TG: variants seen among roughly 807,000 people sequenced by gnomAD.
TG encodes thyroglobulin.
TG carries 270 observed loss-of-function variants against 324.7 expected under a neutral mutation model. The observed-to-expected ratio is 0.83, with a 90% CI of 0.75 to 0.92. TG has a LOEUF of 0.92. Ranked by LOEUF, TG falls within the 40% of genes least tolerant of loss-of-function variation. The pLI is 0.00. For missense variants in TG, 3,591 were observed against 3,456.4 expected, an observed-to-expected ratio of 1.04 and a Z score of -0.98; for synonymous variants, 1,401 against 1,327.0, an observed-to-expected ratio of 1.06 and a Z score of -1.21.
At chr8:133,004,267 G>A (rs1477691434) in intron 35 of TG, among the ~76,000 whole-genome samples, 3 of 152,208 alleles carry the variant, frequency 2.0e-5, no homozygotes, top group African/African-American at 4.8e-5. Flanking sequence ...CTGTGGGGCT[G>A]TATAAGGGCT....
At chr8:132,897,928 G>T (rs1300557870) in intron 12 of TG, 142 bp downstream of exon 12, 4 of 1,083,522 alleles carry the variant, frequency 3.7e-6, no homozygotes, top group Non-Finnish European at 5.5e-6. Flanking sequence ...AGCTTCTCGG[G>T]CCTCCAGTTA....
chr8:133,076,650 A>G (rs1844908746), intron 41 of TG: 1 of 151,906 alleles, frequency 6.6e-6, no homozygotes, highest in African/African-American at 2.4e-5. Context: ...TTTAATAGAC[A>G]CTTACCAAGA....
intron 41 of TG, among the ~76,000 whole-genome samples, chr8:133,034,487 C>T (rs548466691): frequency 2.6e-5 from 4 of 152,250 alleles, no homozygotes; most frequent in Non-Finnish European, 4.4e-5. Context: ...TGTTTTGTCA[C>T]GTCTAATGCT....
chr8:132,887,237 C>T lies in TG; in HGVS notation c.1865C>T (p.Thr622Ile), dbSNP rs767336126. The T allele has an allele frequency of 2.5e-6, 4 of 1,606,270 alleles. No homozygotes were observed. The African/African-American group carries it at 5.4e-5, about 22-fold the overall frequency. Residue 622 changes from threonine to isoleucine, a missense_variant, in exon 9 of 48, where the codon ACA becomes ATA. Physicochemically the swap from Thr to Ile is moderately conservative, Grantham distance 89. Transcript: ENST00000220616. ...AGGCTATTTGTCCCATCATGCACGA[C>T]AGAAGGAAGCTATGAGGATGTCCAA... ...PERLFVPSCTTEGSYEDVQCF... is the reference protein window; with the variant it reads ...PERLFVPSCTIEGSYEDVQCF...
intron 41 of TG, among the ~76,000 whole-genome samples, chr8:133,068,402 T>G (rs1448350737): frequency 1.3e-5 from 2 of 152,188 alleles, no homozygotes; most frequent in African/African-American, 4.8e-5. Context: ...GGGATGGAGG[T>G]GTCCTAGTGT....
At chr8:133,123,556 T>C (rs1289103180) in intron 45 of TG, among the ~76,000 whole-genome samples, 1 of 152,194 alleles carries the variant, frequency 6.6e-6, no homozygotes, top group African/African-American at 2.4e-5. Flanking sequence ...CTCTGGTATT[T>C]CCATCTCTTT....
In TG at chr8:132,882,945, G is replaced by C. The variant is rs759789389; in HGVS notation, c.1021G>C (p.Ala341Pro). 8.6e-5 allele frequency: 138 copies of C among 1,614,024 alleles called. 2 individuals are homozygous for C. In the Admixed American group the frequency reaches 2.2e-3, roughly 26 times the overall value. The change falls in exon 8 of 48, where the codon GCC becomes CCC. Residue 341 changes from alanine (A) to proline (P), a missense_variant. Ala to Pro is a conservative substitution (Grantham distance 27, BLOSUM62 -1). Coordinates refer to ENST00000220616, the MANE Select transcript of TG (RefSeq NM_003235.5). Reference protein sequence around the residue: ...QTEGPCWCVDAQGKEMHGTRQ... With the variant: ...QTEGPCWCVDPQGKEMHGTRQ... The stretch of plus-strand genomic sequence containing the variant: ...GGAAGGGCCCTGCTGGTGTGTGGAC[G>C]CCCAGGGGAAGGAAATGCATGGAAC...
rs1834548915 is a variant in TG at position 133,011,974 on chromosome 8, T to A, written c.6336T>A (p.Val2112=). The change falls in exon 36 of 48, where the codon GTT becomes GTA. Residue 2112 remains valine (V), a synonymous_variant. Transcript: ENST00000220616. ...ATCCATCCATTAGGCACTTTGATGTTGCCCATGTCAGCACTGCTGCCACCA... is the reference window on the plus strand; with the variant it reads ...ATCCATCCATTAGGCACTTTGATGTAGCCCATGTCAGCACTGCTGCCACCA... ...VVDPSIRHFD[V]AHVSTAATSN... 2 of 1,614,120 alleles carry A rather than the reference T, an allele frequency of 1.2e-6. No individual in the cohort carries two copies. The highest frequency in any genetic ancestry group is 1.7e-6 in the Non-Finnish European group (2 of 1,180,046).
intron 25 of TG, among the ~76,000 whole-genome samples, chr8:132,938,911 G>T (rs549242306): frequency 1.3e-5 from 2 of 152,200 alleles, no homozygotes; most frequent in African/African-American, 4.8e-5. Context: ...AATTAGCTGG[G>T]TGTGGTGGCG....
Position 132,906,732 on chromosome 8 carries a change from G to A in TG, c.3679G>A (p.Gly1227Arg), listed in dbSNP as rs1818743410. ...ATTCAACGCGTCGGAGGTGGTTGGT[G>A]GAACAATCCTGTGTGAGACAATCTC... ...LPFNASEVVGGTILCETISGP... is the reference protein window; with the variant it reads ...LPFNASEVVGRTILCETISGP... Residue 1227 changes from glycine (G) to arginine (R), a missense_variant, in exon 17 of 48, where the codon GGA becomes AGA. Physicochemically the swap from Gly to Arg is moderately radical, Grantham distance 125 (BLOSUM62 -2). Coordinates refer to ENST00000220616, the MANE Select transcript of TG (RefSeq NM_003235.5). The A allele has an allele frequency of 6.2e-7, 1 of 1,614,116 alleles. No homozygotes were observed. Among genetic ancestry groups the A allele is most frequent in the Non-Finnish European group, 8.5e-7 (1 of 1,180,054 alleles).
chr8:133,128,333 GCGTGCA>G (rs1851682578), intron 45 of TG, among the ~76,000 whole-genome samples: 1 of 54,702 alleles, frequency 1.8e-5, no homozygotes, highest in African/African-American at 7.5e-5. Context: ...GAAACAAAAG[GCGTGCA>G]CACACACACA....
chr8:133,078,902 A>G (rs4736625), intron 41 of TG, among the ~76,000 whole-genome samples: 38,966 of 152,016 alleles, frequency 0.26, 5,309 homozygotes, highest in African/African-American at 0.31. Context: ...AGCAGAGGAG[A>G]CAGACACACA....
chr8:132,883,365 A>C, intron 8 of TG: 1 of 286,744 alleles, frequency 3.5e-6, no homozygotes, highest in Non-Finnish European at 6.7e-6. Context: ...TTTAGGAAGA[A>C]TGCATGGAAG....
chr8:133,125,463 G>A (rs902817681), intron 45 of TG, among the ~76,000 whole-genome samples: 5 of 152,370 alleles, frequency 3.3e-5, no homozygotes, highest in Admixed American at 1.3e-4. Flanking sequence ...AAGTGGGAAA[G>A]GGCTTGGCAT....
intron 8 of TG, among the ~76,000 whole-genome samples, chr8:132,885,107 A>G (rs1815197236): frequency 6.9e-6 from 1 of 144,516 alleles, no homozygotes; most frequent in Non-Finnish European, 1.5e-5. Context: ...GTGAATCAAG[A>G]GGAAAAAAAT....
At chr8:132,940,031 C>G (rs994105857) in intron 25 of TG, among the ~76,000 whole-genome samples, 1 of 152,066 alleles carries the variant, frequency 6.6e-6, no homozygotes, top group Non-Finnish European at 1.5e-5. Flanking sequence ...TATTATCATC[C>G]TCATTGTACA....
At chr8:133,114,044 G>T (rs902119962) in intron 44 of TG, among the ~76,000 whole-genome samples, 3 of 152,176 alleles carry the variant, frequency 2.0e-5, no homozygotes, top group Admixed American at 6.5e-5. Flanking sequence ...CATTTAAAGG[G>T]TAGGTGACAC....
At position 133,029,869 on chromosome 8, in the gene TG, C is replaced by T. The variant is rs1224391463; in HGVS notation, c.7085C>T (p.Ala2362Val). The T allele has an allele frequency of 1.4e-5, 22 of 1,614,128 alleles. No individual in the cohort carries two copies. Among genetic ancestry groups the T allele is most frequent in the Non-Finnish European group, 1.8e-5 (21 of 1,180,044 alleles). Residue 2362 changes from alanine to valine, a missense_variant, in exon 41 of 48, where the codon GCT becomes GTT. By Grantham distance (64) the Ala-to-Val change is moderately conservative. Transcript: ENST00000220616. ...GNWGLLDQVAALTWVQTHIRG... is the reference protein window; with the variant it reads ...GNWGLLDQVAVLTWVQTHIRG... ...TGGGGGCTGCTGGACCAGGTGGCGG[C>T]TCTGACCTGGGTGCAGACCCACATC...
Position 132,977,217 on chromosome 8 carries a change from G to A in TG, c.6199+4476G>A, listed in dbSNP as rs191535502. 2.7e-4 allele frequency among the ~76,000 whole-genome samples: 41 copies of A among 152,280 alleles called. 1 individual carries two copies. The East Asian group carries it at 7.2e-3, about 27-fold the overall frequency. On this transcript the variant is annotated intron_variant, in intron 34 of 47. Transcript: ENST00000220616. ...ATTGCATACATAATAGTAGGAAGTAGCCTCTATGGGACTAGGAAAGTCTGC... is the reference window on the plus strand; with the variant it reads ...ATTGCATACATAATAGTAGGAAGTAACCTCTATGGGACTAGGAAAGTCTGC...
Sources: gnomAD v4.1 joint callset for allele counts (sites outside exome capture counted in the v4.1 genomes callset) on GRCh38, gnomAD v4.1.1 for gene constraint, MANE v1.5 for transcripts, NCBI Gene and HGNC (gene_info 2026-07-23, HGNC 2026-07-21) for gene names.